USP33: variants seen among roughly 807,000 people sequenced by gnomAD.
USP33 encodes ubiquitin carboxyl-terminal hydrolase 33.
Under a neutral mutation model 124.2 loss-of-function variants are expected in USP33, and 46 were observed. The ratio of observed to expected loss-of-function variants is 0.37; its 90% confidence interval spans 0.29 to 0.47. USP33 has a LOEUF of 0.47. Ranked by LOEUF, USP33 falls within the 20% of genes least tolerant of loss-of-function variation. The pLI, the probability that USP33 is intolerant of heterozygous loss-of-function variation, is 0.99. For missense variants in USP33, 851 were observed against 1,070.6 expected (o/e 0.79, Z 2.86); for synonymous variants, 350 against 352.3 (o/e 0.99, Z 0.07).
At chr1:77,754,980 C>CAATTCTA (rs1457757250) in intron 1 of USP33, among the ~76,000 whole-genome samples, 5 of 152,236 alleles carry the variant, frequency 3.3e-5, no homozygotes, top group Admixed American at 3.3e-4. Flanking sequence ...AAAATATGGT[C>CAATTCTA]AATTCTAGCC....
intron 21 of USP33, chr1:77,711,538 C>A: frequency 1.5e-6 from 1 of 665,356 alleles, no homozygotes; most frequent in Non-Finnish European, 2.2e-6. Flanking sequence ...TACACACACA[C>A]ACACACACAC....
chr1:77,701,503 A>AT, intron 21 of USP33, 32 bp from the exon 22 acceptor site: 1 of 1,550,492 alleles, frequency 6.4e-7, no homozygotes, highest in East Asian at 2.2e-5. Context: ...GTCATCTAAT[A>AT]TCTAAAACTT....
chr1:77,759,789 T>C lies in USP33; in HGVS notation c.-198A>G, dbSNP rs2101638569. The C allele has an allele frequency of 2.5e-6, 1 of 397,736 alleles. No homozygotes were observed. Among genetic ancestry groups the C allele is most frequent in the Non-Finnish European group, 4.4e-6 (1 of 225,448 alleles). The allele number at this position is 397,736 out of a possible 1,614,324, so 24.6% of individuals were successfully genotyped here. ...GGAAAACGGCCCCGCAGCGCTGCCC[T>C]CGGGGGGTCCGCCTCCTGAACTGGC... is the stretch of plus-strand genomic sequence containing the variant. On this transcript the variant is annotated 5_prime_UTR_variant, in exon 1 of 24. Transcript: ENST00000370794.
chr1:77,736,651 C>A (rs1055302069), intron 5 of USP33, among the ~76,000 whole-genome samples: 2 of 151,996 alleles, frequency 1.3e-5, no homozygotes, highest in Admixed American at 1.3e-4. Flanking sequence ...CACTCTGTTG[C>A]CAGGCTGGAG....
intron 1 of USP33, among the ~76,000 whole-genome samples, chr1:77,753,552 A>G (rs974790933): frequency 2.6e-5 from 4 of 152,188 alleles, no homozygotes; most frequent in Admixed American, 2.0e-4. Flanking sequence ...TTATTTAAGA[A>G]GAATACTAAA....
intron 11 of USP33, among the ~76,000 whole-genome samples, chr1:77,724,415 C>G (rs978396811): frequency 2.0e-5 from 3 of 152,170 alleles, no homozygotes; most frequent in Admixed American, 2.0e-4. Context: ...TTTAATGGAT[C>G]ATGCTTTTAA....
At chr1:77,713,557 C>CTTTTTTT (rs1192112747) in intron 19 of USP33, 22 of 145,472 alleles carry the variant, frequency 1.5e-4, no homozygotes, top group East Asian at 1.2e-3. Flanking sequence ...GCTAACTTTT[C>CTTTTTTT]TTTTTTTTTT....
chr1:77,715,592 T>C (rs1449171306), intron 18 of USP33, 150 bp downstream of exon 18: 4 of 814,404 alleles, frequency 4.9e-6, no homozygotes, highest in Non-Finnish European at 7.4e-6. Context: ...TCATTCTACA[T>C]ATACAGCCTT....
intron 4 of USP33, among the ~76,000 whole-genome samples, chr1:77,739,980 T>C (rs779868699): frequency 1.8e-4 from 28 of 152,226 alleles, no homozygotes; most frequent in Non-Finnish European, 3.1e-4. Flanking sequence ...GCAAATGATA[T>C]ACAATGATGA....
intron 7 of USP33, among the ~76,000 whole-genome samples, chr1:77,733,347 C>T (rs1678061221): frequency 6.6e-6 from 1 of 151,044 alleles, no homozygotes; most frequent in African/African-American, 2.4e-5. Flanking sequence ...GAGCCAAAAT[C>T]GTGCCACTGC....
intron 6 of USP33, among the ~76,000 whole-genome samples, chr1:77,735,125 A>AT (rs951392244): frequency 6.6e-6 from 1 of 151,936 alleles, no homozygotes; most frequent in South Asian, 2.1e-4. Flanking sequence ...TCCATCTCAA[A>AT]AAAAAAAGAA....
rs1431550002 is a variant in USP33 at position 77,726,255 on chromosome 1, T to A, written c.1136-493A>T. ...ATGAACCACCGTGCCCAATCCCAAC[T>A]AATGTTTATAACACACGACTATTAC... On this transcript the variant is annotated intron_variant, in intron 10 of 23. Transcript: ENST00000370794. Among the ~76,000 whole-genome samples, 3 of 151,968 alleles carry A rather than the reference T, an allele frequency of 2.0e-5. No individual in the cohort carries two copies. In the East Asian group the frequency reaches 5.8e-4, roughly 29 times the overall value.
At chr1:77,750,687 A>AG (rs1161977874) in intron 1 of USP33, among the ~76,000 whole-genome samples, 5 of 151,130 alleles carry the variant, frequency 3.3e-5, no homozygotes, top group East Asian at 3.9e-4. Flanking sequence ...AAAGAAAGAA[A>AG]AAGGAAAAGA....
intron 21 of USP33, among the ~76,000 whole-genome samples, chr1:77,706,182 T>C (rs1311198367): frequency 1.3e-5 from 2 of 152,190 alleles, no homozygotes; most frequent in African/African-American, 4.8e-5. Context: ...AAGAGTGGGA[T>C]TGCTGGGTCA....
chr1:77,735,119 T>A (rs1678288018), intron 6 of USP33, among the ~76,000 whole-genome samples: 1 of 121,644 alleles, frequency 8.2e-6, no homozygotes, highest in African/African-American at 4.2e-5. Context: ...CGAGACTCCA[T>A]CTCAAAAAAA....
At chr1:77,708,362 A>G (rs1674863347) in intron 21 of USP33, among the ~76,000 whole-genome samples, 1 of 152,214 alleles carries the variant, frequency 6.6e-6, no homozygotes, top group Non-Finnish European at 1.5e-5. Context: ...ATCCACAGAT[A>G]GCATAAGTAG....
Position 77,711,858 on chromosome 1 carries a change from A to G in USP33, c.2298-3T>C. The stretch of plus-strand genomic sequence containing the variant: ...TGACAGCTGGTCCTCCACCATACCT[A>G]AAGCATGAAAAATTTAAGAATTAAT... On this transcript the variant is annotated splice_polypyrimidine_tract_variant and splice_region_variant and intron_variant, in intron 20 of 23. Coordinates refer to ENST00000370794, the MANE Select transcript of USP33 (RefSeq NM_201624.3). The G allele has an allele frequency of 1.3e-6, 2 of 1,585,870 alleles. No individual in the cohort carries two copies. The highest frequency in any genetic ancestry group is 1.7e-6 in the Non-Finnish European group (2 of 1,172,676).
At chr1:77,710,210 T>G (rs1219809550) in intron 21 of USP33, among the ~76,000 whole-genome samples, 1 of 152,144 alleles carries the variant, frequency 6.6e-6, no homozygotes, top group Non-Finnish European at 1.5e-5. Context: ...CTCATGCCAC[T>G]CACTATACAG....
chr1:77,734,991 C>T lies in USP33; in HGVS notation c.455-575G>A, dbSNP rs1235478785. 2.6e-5 allele frequency among the ~76,000 whole-genome samples: 4 copies of T among 151,976 alleles called. No homozygotes were observed. In the South Asian group the frequency reaches 6.2e-4, roughly 24 times the overall value. ...ACAAAAAATTTGCCGGGCATGGTGGCGGGTGCCTGTAGTCCCAGCTACTCG... is the reference window on the plus strand; with the variant it reads ...ACAAAAAATTTGCCGGGCATGGTGGTGGGTGCCTGTAGTCCCAGCTACTCG... On this transcript the variant is annotated intron_variant, in intron 6 of 23. Transcript: ENST00000370794.
Sources: allele counts gnomAD v4.1 joint callset (sites outside exome capture counted in the v4.1 genomes callset), GRCh38; gene constraint gnomAD v4.1.1; transcripts MANE v1.5; gene names NCBI Gene and HGNC (gene_info 2026-07-23, HGNC 2026-07-21).